The following WDR33 variants were observed in gnomAD, a reference collection of about 807,000 sequenced individuals.
WDR33 encodes pre-mRNA 3' end processing protein WDR33.
A neutral mutation model predicts 164.9 loss-of-function variants in WDR33; 47 were observed. The ratio of observed to expected loss-of-function variants is 0.29; its 90% confidence interval spans 0.23 to 0.36. WDR33 has a LOEUF of 0.36. Among genes scored for constraint, WDR33 ranks in the 10% least tolerant of loss-of-function variants. The probability of loss-of-function intolerance (pLI) is 1.00; values close to 1 mark genes in which losing one functional copy is unlikely to be tolerated. For synonymous variants in WDR33, 505 were observed against 589.0 expected, an observed-to-expected ratio of 0.86 and a Z score of 2.06; for missense variants, 1,137 against 1,754.1, an observed-to-expected ratio of 0.65 and a Z score of 6.28.
At position 127,716,952 on chromosome 2, in the gene WDR33, G is replaced by A. The variant is rs1184797403; in HGVS notation, c.2869+203C>T. ...TGGAGCCTGTGCGGGTGCCTTCATT[G>A]TCAGCCTCTGGGGTGAGGGGCTTAC... On this transcript the variant is annotated intron_variant, in intron 17 of 21. Coordinates refer to ENST00000322313, the MANE Select transcript of WDR33 (RefSeq NM_018383.5). The surrounding 1 kb of genome is among the most constrained non-coding windows in gnomAD (Gnocchi z 4.5). 1.3e-5 allele frequency among the ~76,000 whole-genome samples: 2 copies of A among 152,200 alleles called. No homozygotes were observed. Among genetic ancestry groups the A allele is most frequent in the African/African-American group, 4.8e-5 (2 of 41,454 alleles).
chr2:127,797,049 G>C (rs372716662), intron 1 of WDR33, among the ~76,000 whole-genome samples: 5 of 151,980 alleles, frequency 3.3e-5, no homozygotes, highest in East Asian at 3.8e-4. Context: ...CAAAGCACAT[G>C]AATGTCCATG....
intron 7 of WDR33, among the ~76,000 whole-genome samples, chr2:127,729,495 CTT>C (rs774362916): frequency 4.2e-5 from 6 of 144,432 alleles, no homozygotes; most frequent in Admixed American, 6.9e-5. Flanking sequence ...AGAGACTATT[CTT>C]TTTTTTTTTT....
chr2:127,779,640 AAC>A (rs1314364881), intron 1 of WDR33, among the ~76,000 whole-genome samples: 1 of 152,194 alleles, frequency 6.6e-6, no homozygotes, highest in Non-Finnish European at 1.5e-5. Context: ...TGCTGTTAGT[AAC>A]ACTGTGAGGT....
intron 1 of WDR33, among the ~76,000 whole-genome samples, chr2:127,802,782 CAGA>C (rs1298457161): frequency 6.6e-6 from 1 of 151,918 alleles, no homozygotes; most frequent in Non-Finnish European, 1.5e-5. Context: ...AGTTCGAGCC[CAGA>C]CTGGGCAACA....
intron 1 of WDR33, among the ~76,000 whole-genome samples, chr2:127,773,300 A>G (rs544775506): frequency 2.7e-4 from 41 of 152,302 alleles, no homozygotes; most frequent in African/African-American, 8.7e-4. Context: ...TCTAGACACT[A>G]AATAATGAGC....
intron 7 of WDR33, chr2:127,736,795 A>AT (rs1270679343): frequency 1.0e-6 from 1 of 985,260 alleles, no homozygotes; most frequent in Non-Finnish European, 1.2e-6. Context: ...ATATACAGGT[A>AT]TAAGTTTTGC....
At chr2:127,777,220 A>G (rs557450489) in intron 1 of WDR33, among the ~76,000 whole-genome samples, 1 of 152,386 alleles carries the variant, frequency 6.6e-6, no homozygotes, top group East Asian at 1.9e-4. Context: ...TCAATGTTTC[A>G]AGCAATCAGC....
At position 127,709,474 on chromosome 2, in the gene WDR33, C is replaced by A; in HGVS notation, c.3565+16G>T. 1.2e-6 allele frequency: 2 copies of A among 1,612,588 alleles called. No individual in the cohort carries two copies. Among genetic ancestry groups the A allele is most frequent in the Middle Eastern group, 1.7e-4 (1 of 6,052 alleles). ...CTGCAGTCTAGAGTTACCCAACAAG[C>A]GGTTCTTTTCCTTACCAGGCTCTCT... On this transcript the variant is annotated intron_variant, in intron 20 of 21. Transcript: ENST00000322313. The surrounding 1 kb of genome is among the most constrained non-coding windows in gnomAD (Gnocchi z 5.0).
At chr2:127,739,348 C>T (rs996000293) in intron 7 of WDR33, among the ~76,000 whole-genome samples, 2 of 152,168 alleles carry the variant, frequency 1.3e-5, no homozygotes, top group African/African-American at 4.8e-5. Context: ...TGATTTCCCC[C>T]CCGTAAGAAG....
At chr2:127,743,031 A>G (rs897433517) in intron 7 of WDR33, among the ~76,000 whole-genome samples, 5 of 152,162 alleles carry the variant, frequency 3.3e-5, no homozygotes, top group African/African-American at 1.2e-4. Context: ...AAGGCAAAGG[A>G]TTTCAAACCC....
Position 127,791,355 on chromosome 2 carries a change from T to TACC in WDR33, c.-24+19656_-24+19657insGGT, listed in dbSNP as rs1688841189. Among the ~76,000 whole-genome samples the TACC allele has an allele frequency of 2.0e-5, 3 of 152,166 alleles. No individual in the cohort carries two copies. In the South Asian group the frequency reaches 6.2e-4, roughly 32 times the overall value. ...TCCCATTTCATCATGTGCTATGTATTAGTCTGCTTGGCTGCCATAAAAATA... is the reference window on the plus strand; with the variant it reads ...TCCCATTTCATCATGTGCTATGTATTACCAGTCTGCTTGGCTGCCATAAAAATA... On this transcript the variant is annotated intron_variant, in intron 1 of 21. Transcript: ENST00000322313.
Position 127,750,700 on chromosome 2 carries a change from ATATATATATATATG to A in WDR33, c.724+12348_724+12361del, listed in dbSNP as rs1353605440. Among the ~76,000 whole-genome samples, 441 of 60,990 alleles carry A rather than the reference ATATATATATATATG, an allele frequency of 7.2e-3. 19 individuals carry two copies. The highest frequency in any genetic ancestry group is 0.039 in the African/African-American group (399 of 10,254). 40.0% of individuals were successfully genotyped at this position (60,990 alleles called of 152,430 possible). A position where few individuals can be genotyped will look rare whatever the true frequency, so the allele number is the denominator to read the frequency against. ...AAAATATATATATATATATATATAT[ATATATATATATATG>A]TATGTATGCATACATATATATGTAT... On this transcript the variant is annotated intron_variant, in intron 7 of 21. Transcript: ENST00000322313.
chr2:127,722,071 T>A lies in WDR33; in HGVS notation c.1519-83A>T. On this transcript the variant is annotated intron_variant, in intron 14 of 21. Transcript: ENST00000322313. This position sits in a 1 kb window ranked among gnomAD's most constrained non-coding sequence, Gnocchi z 5.1. ...ATGAGAAAACCACTCTACAATGTCA[T>A]CTGCTCAATCTAACCTCTGAACCGA... The A allele has an allele frequency of 6.8e-7, 1 of 1,472,114 alleles. No homozygotes were observed. 91.2% of individuals were successfully genotyped at this position (1,472,114 alleles called of 1,614,324 possible). A position where few individuals can be genotyped will look rare whatever the true frequency, so the allele number is the denominator to read the frequency against.
chr2:127,744,519 C>A (rs912596794), intron 7 of WDR33, among the ~76,000 whole-genome samples: 1 of 152,104 alleles, frequency 6.6e-6, no homozygotes, highest in African/African-American at 2.4e-5. Flanking sequence ...TTTTTAAAAG[C>A]ATCTTTTTGT....
rs1686124976 is a variant in WDR33, at chr2:127,710,202, G to C, written c.3309-346C>G. On this transcript the variant is annotated intron_variant, in intron 18 of 21. Coordinates refer to ENST00000322313, the MANE Select transcript of WDR33 (RefSeq NM_018383.5). This position sits in a 1 kb window ranked among gnomAD's most constrained non-coding sequence, Gnocchi z 4.4. ...CCACTGATGAGAACACTGAGGCCCAGATTGCTGACATCATTTATTCAAGGA... is the reference window on the plus strand; with the variant it reads ...CCACTGATGAGAACACTGAGGCCCACATTGCTGACATCATTTATTCAAGGA... 6.6e-6 allele frequency among the ~76,000 whole-genome samples: 1 copy of C among 152,228 alleles called. No homozygotes were observed. Among genetic ancestry groups the C allele is most frequent in the African/African-American group, 2.4e-5 (1 of 41,452 alleles).
chr2:127,772,121 GC>G (rs1688024439), intron 1 of WDR33, among the ~76,000 whole-genome samples: 2 of 150,232 alleles, frequency 1.3e-5, no homozygotes, highest in Non-Finnish European at 3.0e-5. Flanking sequence ...GAGCCACCAA[GC>G]CTGGCCTTAC....
chr2:127,793,666 A>G (rs1185418749), intron 1 of WDR33, among the ~76,000 whole-genome samples: 6 of 152,116 alleles, frequency 3.9e-5, no homozygotes, highest in Non-Finnish European at 7.4e-5. Context: ...ACCTGAATCC[A>G]GGTGTTTGAG....
In WDR33 at chr2:127,701,734, C is replaced by T; in HGVS notation, c.*4589G>A. On this transcript the variant is annotated 3_prime_UTR_variant, in exon 22 of 22. Transcript: ENST00000322313. ...GCAGCGGCCGGCCTGACGTGCCTCC[C>T]GAGCGTGACGCGCGGGCAGCGGCTG... 1 of 1,402,648 alleles carries T rather than the reference C, an allele frequency of 7.1e-7. No homozygotes were observed. Among genetic ancestry groups the T allele is most frequent in the Non-Finnish European group, 9.3e-7 (1 of 1,077,868 alleles). The allele number at this position is 1,402,648 out of a possible 1,614,324, so 86.9% of individuals were successfully genotyped here. A position where few individuals can be genotyped will look rare whatever the true frequency, so the allele number is the denominator to read the frequency against.
intron 1 of WDR33, among the ~76,000 whole-genome samples, chr2:127,777,397 A>G (rs1398524979): frequency 6.6e-6 from 1 of 152,222 alleles, no homozygotes; most frequent in Non-Finnish European, 1.5e-5. Context: ...TGAGTACACA[A>G]AAGTTTGCAT....
Sources: gnomAD v4.1 joint callset for allele counts (sites outside exome capture counted in the v4.1 genomes callset) on GRCh38, gnomAD v4.1.1 for gene constraint, Gnocchi (gnomAD v3.1) non-coding constraint, MANE v1.5 for transcripts, NCBI Gene and HGNC (gene_info 2026-07-23, HGNC 2026-07-21) for gene names.